CMIP: variants seen among roughly 807,000 people sequenced by gnomAD.
The protein encoded by CMIP is C-Maf-inducing protein.
CMIP carries 13 observed loss-of-function variants against 97.3 expected under a neutral mutation model. The observed-to-expected ratio is 0.13, with a 90% CI of 0.09 to 0.21. The LOEUF (loss-of-function observed/expected upper bound fraction) is 0.21, where lower values mean the gene tolerates loss of function less well. CMIP is among the 10% of genes least tolerant of loss of function. The pLI, the probability that CMIP is intolerant of heterozygous loss-of-function variation, is 1.00. For synonymous variants in CMIP, 538 were observed against 436.3 expected (o/e 1.23, Z -2.91); for missense variants, 847 against 1,024.9 (o/e 0.83, Z 2.37).
At chr16:81,588,659 A>G (rs1444245258) in intron 1 of CMIP, among the ~76,000 whole-genome samples, 1 of 152,012 alleles carries the variant, frequency 6.6e-6, no homozygotes, top group African/African-American at 2.4e-5. Context: ...TACGCTTATC[A>G]TCACTTAACA....
chr16:81,539,165 T>G (rs191380971), intron 1 of CMIP, among the ~76,000 whole-genome samples: 1 of 152,176 alleles, frequency 6.6e-6, no homozygotes, highest in South Asian at 2.1e-4. Context: ...AGCGAAACAG[T>G]TGGGTGTAGC....
chr16:81,623,960 C>T (rs17201036), intron 3 of CMIP, among the ~76,000 whole-genome samples: 2,130 of 152,324 alleles, frequency 0.014, 22 homozygotes, highest in Non-Finnish European at 0.022. Context: ...TCCTTGATCA[C>T]ACCGTGCTTT....
intron 1 of CMIP, among the ~76,000 whole-genome samples, chr16:81,514,421 G>T (rs1410143085): frequency 6.6e-6 from 1 of 152,328 alleles, no homozygotes; most frequent in African/African-American, 2.4e-5. Flanking sequence ...CAGTGGTCAG[G>T]AGTGTGACGA....
chr16:81,590,628 A>C (rs2091452265), intron 1 of CMIP, among the ~76,000 whole-genome samples: 1 of 152,120 alleles, frequency 6.6e-6, no homozygotes, highest in African/African-American at 2.4e-5. Context: ...GCTTCCATAG[A>C]ACTTAGGGAT....
chr16:81,592,580 G>T (rs550091011), intron 1 of CMIP, among the ~76,000 whole-genome samples: 1 of 152,092 alleles, frequency 6.6e-6, no homozygotes, highest in Non-Finnish European at 1.5e-5. Context: ...TGCACCCTCC[G>T]CTCACCCTGC....
intron 1 of CMIP, among the ~76,000 whole-genome samples, chr16:81,521,373 T>G (rs1189179644): frequency 1.7e-5 from 1 of 59,664 alleles, no homozygotes; most frequent in Non-Finnish European, 3.1e-5. Context: ...GCTTCGCATT[T>G]GCCACCCCCC....
chr16:81,581,853 C>A (rs1272468352), intron 1 of CMIP, among the ~76,000 whole-genome samples: 1 of 152,134 alleles, frequency 6.6e-6, no homozygotes, highest in Non-Finnish European at 1.5e-5. Context: ...TCCTTCTCTG[C>A]AGAGGGGCCT....
Position 81,526,526 on chromosome 16 carries a change from C to T in CMIP, c.300+80985C>T, listed in dbSNP as rs535725636. 2.0e-5 allele frequency among the ~76,000 whole-genome samples: 3 copies of T among 152,268 alleles called. No homozygotes were observed. The East Asian group carries it at 5.8e-4, about 29-fold the overall frequency. Reference sequence around the variant, plus strand: ...AGGCCCACAGCTAGGTCTTGTTATACGATGGATTAATAAAGAGGGGATCTG... The same window carrying T: ...AGGCCCACAGCTAGGTCTTGTTATATGATGGATTAATAAAGAGGGGATCTG... On this transcript the variant is annotated intron_variant, in intron 1 of 20. Transcript: ENST00000537098.
Position 81,495,410 on chromosome 16 carries a change from C to G in CMIP, c.300+49869C>G. On this transcript the variant is annotated intron_variant, in intron 1 of 20. Transcript: ENST00000537098. ...GTTTGAGAACAACAAACCAAGCCGG[C>G]CGGGCTGCCGCTCTGTTTCCTGCGA... 1.9e-6 allele frequency: 3 copies of G among 1,580,206 alleles called. No homozygotes were observed. The South Asian group carries it at 3.5e-5, about 18-fold the overall frequency.
rs145551960 is a variant in CMIP at position 81,584,266 on chromosome 16, C to G, written c.301-23301C>G. ...AGGAAAACTCCTTGGAGGCAAGGAG[C>G]TCTTTCTGTTTTGTTGAACAATGTG... On this transcript the variant is annotated intron_variant, in intron 1 of 20. Transcript: ENST00000537098. Among the ~76,000 whole-genome samples the G allele has an allele frequency of 8.4e-3, 1,280 of 152,274 alleles. 16 individuals are homozygous for G. Among genetic ancestry groups the G allele is most frequent in the African/African-American group, 0.029 (1,225 of 41,548 alleles).
chr16:81,666,138 C>G (rs1178560361), intron 7 of CMIP: 1 of 152,188 alleles, frequency 6.6e-6, no homozygotes, highest in African/African-American at 2.4e-5. Flanking sequence ...AGGAGGAGCT[C>G]TTTCTGGCTT....
chr16:81,676,511 A>C (rs1227275459), intron 9 of CMIP, among the ~76,000 whole-genome samples: 1 of 152,196 alleles, frequency 6.6e-6, no homozygotes, highest in Non-Finnish European at 1.5e-5. Context: ...GCAACGGCAA[A>C]CAAAGAGAAA....
Position 81,710,454 on chromosome 16 carries a change from A to G in CMIP, c.*655A>G, listed in dbSNP as rs1422184106. 1 of 118,214 alleles carries G rather than the reference A, an allele frequency of 8.5e-6. No individual in the cohort carries two copies. Among genetic ancestry groups the G allele is most frequent in the Non-Finnish European group, 1.6e-5 (1 of 62,534 alleles). The allele number at this position is 118,214 out of a possible 1,614,324, so 7.3% of individuals were successfully genotyped here. On this transcript the variant is annotated 3_prime_UTR_variant, in exon 21 of 21. Coordinates refer to ENST00000537098, the MANE Select transcript of CMIP (RefSeq NM_198390.3). ...GCCCTCCCGCCCCCACCTGGCGTGTAGTACTGTATAAACCAGTCAGCTGTC... is the reference window on the plus strand; with the variant it reads ...GCCCTCCCGCCCCCACCTGGCGTGTGGTACTGTATAAACCAGTCAGCTGTC...
chr16:81,540,357 C>T (rs2090425182), intron 1 of CMIP, among the ~76,000 whole-genome samples: 1 of 152,216 alleles, frequency 6.6e-6, no homozygotes, highest in South Asian at 2.1e-4. Context: ...GGCTGGAGTA[C>T]ACGGGCACAA....
chr16:81,548,446 ATTGCGGGCACTG>A (rs985774815), intron 1 of CMIP, among the ~76,000 whole-genome samples: 2 of 152,048 alleles, frequency 1.3e-5, no homozygotes, highest in Admixed American at 6.6e-5. Context: ...ATCAGTCTTT[ATTGCGGGCACTG>A]TCCTGGGCAT....
At chr16:81,511,660 A>C (rs1297299961) in intron 1 of CMIP, among the ~76,000 whole-genome samples, 1 of 147,132 alleles carries the variant, frequency 6.8e-6, no homozygotes, top group South Asian at 2.1e-4. Flanking sequence ...TCCCAGGCTC[A>C]GATGATCCTC....
chr16:81,649,764 G>A lies in CMIP; in HGVS notation c.478-2439G>A, dbSNP rs77030213. Among the ~76,000 whole-genome samples, 172 of 152,282 alleles carry A rather than the reference G, an allele frequency of 1.1e-3. 2 individuals are homozygous for A. In the East Asian group the frequency reaches 0.029, roughly 25 times the overall value. On this transcript the variant is annotated intron_variant, in intron 3 of 20. Transcript: ENST00000537098. ...CAGACTCCATGCAAATGTAAGACAC[G>A]GGTGTGGATCGCTGTGGTTTGCTTT...
At chr16:81,694,689 C>A (rs1420780418) in intron 13 of CMIP, among the ~76,000 whole-genome samples, 1 of 152,184 alleles carries the variant, frequency 6.6e-6, no homozygotes, top group African/African-American at 2.4e-5. Context: ...GCTCACGGGG[C>A]CTGGGTGGAG....
chr16:81,702,546 T>C (rs576124627), intron 16 of CMIP, 76 bp from the exon 17 acceptor site: 1 of 1,389,488 alleles, frequency 7.2e-7, no homozygotes, highest in Admixed American at 1.9e-5. Flanking sequence ...TCCATGAGTG[T>C]TGTTAACAGA....
Sources: allele counts gnomAD v4.1 joint callset (sites outside exome capture counted in the v4.1 genomes callset), GRCh38; gene constraint gnomAD v4.1.1; transcripts MANE v1.5; gene names NCBI Gene and HGNC (gene_info 2026-07-23, HGNC 2026-07-21).